Variants in TTC29 observed in about 807,000 individuals in gnomAD.
TTC29 encodes tetratricopeptide repeat protein 29.
Under a neutral mutation model 58.1 loss-of-function variants are expected in TTC29, and 49 were observed. That is an observed-to-expected ratio of 0.84 (90% CI 0.67 to 1.07). The LOEUF (loss-of-function observed/expected upper bound fraction) is 1.07. Ranked by LOEUF, TTC29 falls within the 50% of genes least tolerant of loss-of-function variation. The pLI is 0.00. For synonymous variants in TTC29, 209 were observed against 196.8 expected, an observed-to-expected ratio of 1.06 and a Z score of -0.52; for missense variants, 582 against 555.6, an observed-to-expected ratio of 1.05 and a Z score of -0.48.
intron 11 of TTC29, among the ~76,000 whole-genome samples, chr4:146,738,668 C>G (rs920389626): frequency 6.6e-6 from 1 of 152,102 alleles, no homozygotes; most frequent in Non-Finnish European, 1.5e-5. Flanking sequence ...GGGTAGGCTT[C>G]AGGAAACAGA....
At chr4:146,780,594 T>A (rs1269335254) in intron 11 of TTC29, among the ~76,000 whole-genome samples, 2 of 151,968 alleles carry the variant, frequency 1.3e-5, no homozygotes, top group African/African-American at 4.8e-5. Flanking sequence ...GATTAAGTGT[T>A]CTTCCTTGGG....
chr4:146,871,061 G>A (rs1730895565), intron 7 of TTC29, among the ~76,000 whole-genome samples: 3 of 151,826 alleles, frequency 2.0e-5, no homozygotes, highest in South Asian at 4.2e-4. Flanking sequence ...TGTCCCCTAC[G>A]AATATAGTCA....
At chr4:146,769,094 T>C (rs181750269) in intron 11 of TTC29, among the ~76,000 whole-genome samples, 120 of 152,036 alleles carry the variant, frequency 7.9e-4, no homozygotes, top group African/African-American at 2.7e-3. Flanking sequence ...AGCGACAAAA[T>C]GGTTGCTTTC....
At chr4:146,848,936 A>G (rs1729345941) in intron 8 of TTC29, among the ~76,000 whole-genome samples, 2 of 152,198 alleles carry the variant, frequency 1.3e-5, no homozygotes, top group Admixed American at 6.5e-5. Flanking sequence ...CCTTGAGACC[A>G]AGCACACATC....
At chr4:146,920,295 T>C (rs1368242507) in intron 4 of TTC29, among the ~76,000 whole-genome samples, 1 of 151,076 alleles carries the variant, frequency 6.6e-6, no homozygotes, top group Non-Finnish European at 1.5e-5. Flanking sequence ...CAATCAATTC[T>C]TTACACCTAT....
rs1561066575 is a variant in TTC29 at position 146,728,826 on chromosome 4, CATATATATACACATATATAT to C, written c.1331-21295_1331-21276del. ...ATACACATATATATGTGTATATATACATATATATACACATATATATGTATATATATACACATATATATGTG... is the reference window on the plus strand; with the variant it reads ...ATACACATATATATGTGTATATATACGTATATATATACACATATATATGTG... On this transcript the variant is annotated intron_variant, in intron 11 of 12. Transcript: ENST00000325106. Among the ~76,000 whole-genome samples, 184 of 91,740 alleles carry C rather than the reference CATATATATACACATATATAT, an allele frequency of 2.0e-3. 29 individuals carry two copies. The highest frequency in any genetic ancestry group is 4.0e-3 in the Admixed American group (33 of 8,228). 60.2% of individuals were successfully genotyped at this position (91,740 alleles called of 152,430 possible). A position where few individuals can be genotyped will look rare whatever the true frequency, so the allele number is the denominator to read the frequency against.
rs1005728673 is a variant in TTC29, at chr4:146,706,667, T to A, written c.*491A>T. On this transcript the variant is annotated 3_prime_UTR_variant, in exon 13 of 13. Transcript: ENST00000325106. ...TATTATGTGCTATCAGCTAAAAGTA[T>A]CATAAAATATACTGTTACACAGGTA... is the stretch of plus-strand genomic sequence containing the variant. The A allele has an allele frequency of 6.6e-6, 1 of 152,218 alleles. No homozygotes were observed. The highest frequency in any genetic ancestry group is 2.4e-5 in the African/African-American group (1 of 41,460). 9.4% of individuals were successfully genotyped at this position (152,218 alleles called of 1,614,324 possible). A position where few individuals can be genotyped will look rare whatever the true frequency, so the allele number is the denominator to read the frequency against.
Position 146,781,327 on chromosome 4 carries a change from T to C in TTC29, c.1330+22130A>G, listed in dbSNP as rs1166741788. Among the ~76,000 whole-genome samples, 6 of 152,076 alleles carry C rather than the reference T, an allele frequency of 3.9e-5. No individual in the cohort carries two copies. The East Asian group carries it at 9.7e-4, about 24-fold the overall frequency. ...ATATTTAGATTGCATCATATTGAAA[T>C]GAGTTAACTGTCATATTAACCTCTA... is the stretch of plus-strand genomic sequence containing the variant. On this transcript the variant is annotated intron_variant, in intron 11 of 12. Coordinates refer to ENST00000325106, the MANE Select transcript of TTC29 (RefSeq NM_031956.4).
intron 7 of TTC29, among the ~76,000 whole-genome samples, chr4:146,869,189 A>G (rs1730770966): frequency 6.6e-6 from 1 of 151,992 alleles, no homozygotes; most frequent in Non-Finnish European, 1.5e-5. Context: ...CTAATACAGG[A>G]AGTATCCTTA....
intron 2 of TTC29, among the ~76,000 whole-genome samples, chr4:146,943,169 CTT>C (rs61184684): frequency 1.9e-3 from 114 of 59,410 alleles, no homozygotes; most frequent in African/African-American, 4.9e-3. Flanking sequence ...ATCAACTGTG[CTT>C]TTTTTTTTTT....
chr4:146,790,962 G>A (rs1044707223), intron 11 of TTC29, among the ~76,000 whole-genome samples: 3 of 152,284 alleles, frequency 2.0e-5, no homozygotes, highest in Admixed American at 2.0e-4. Context: ...GCAGCCCATA[G>A]TTTTATTCCT....
At chr4:146,883,761 C>T (rs1353859178) in intron 6 of TTC29, among the ~76,000 whole-genome samples, 3 of 152,004 alleles carry the variant, frequency 2.0e-5, no homozygotes, top group African/African-American at 4.8e-5. Flanking sequence ...AATGAGGCTT[C>T]CTCTCCGTGC....
At chr4:146,817,720 T>A (rs57054230) in intron 10 of TTC29, among the ~76,000 whole-genome samples, 3 of 151,994 alleles carry the variant, frequency 2.0e-5, no homozygotes, top group Non-Finnish European at 2.9e-5. Context: ...GCATGGTACT[T>A]GTACCAAAAC....
chr4:146,885,068 T>A (rs1279782248), intron 6 of TTC29, among the ~76,000 whole-genome samples: 2 of 151,884 alleles, frequency 1.3e-5, no homozygotes, highest in African/African-American at 4.8e-5. Flanking sequence ...AAAAGAAAAT[T>A]TTCACATTCA....
At chr4:146,875,494 AT>A (rs1287417282) in intron 6 of TTC29, among the ~76,000 whole-genome samples, 1 of 150,804 alleles carries the variant, frequency 6.6e-6, no homozygotes, top group African/African-American at 2.4e-5. Context: ...CAATTTCATC[AT>A]TCTTTTTTTC....
chr4:146,722,681 G>T (rs1270215640), intron 11 of TTC29, among the ~76,000 whole-genome samples: 4 of 152,044 alleles, frequency 2.6e-5, no homozygotes, highest in African/African-American at 4.8e-5. Flanking sequence ...ACTCAAGATG[G>T]ATTAAAGGTT....
At chr4:146,749,547 T>A (rs1745816153) in intron 11 of TTC29, among the ~76,000 whole-genome samples, 3 of 152,100 alleles carry the variant, frequency 2.0e-5, no homozygotes, top group African/African-American at 7.2e-5. Flanking sequence ...TAAATTTACT[T>A]ATTTTATTTA....
intron 9 of TTC29, among the ~76,000 whole-genome samples, chr4:146,827,530 T>C (rs1258454456): frequency 1.3e-5 from 2 of 152,208 alleles, no homozygotes; most frequent in Non-Finnish European, 2.9e-5. Flanking sequence ...TAGATTACTT[T>C]AAAGTCAAAA....
chr4:146,798,456 C>T (rs1483528777), intron 11 of TTC29, among the ~76,000 whole-genome samples: 2 of 151,938 alleles, frequency 1.3e-5, no homozygotes, highest in African/African-American at 2.4e-5. Flanking sequence ...CTTGGTCTTC[C>T]TATAGTTGTT....
Sources: gnomAD v4.1 joint callset for allele counts (sites outside exome capture counted in the v4.1 genomes callset) on GRCh38, gnomAD v4.1.1 for gene constraint, MANE v1.5 for transcripts, NCBI Gene and HGNC (gene_info 2026-07-23, HGNC 2026-07-21) for gene names.